PIAS4: variants seen among roughly 807,000 people sequenced by gnomAD.
The protein encoded by PIAS4 is protein inhibitor of activated STAT 4.
A neutral mutation model predicts 58.0 loss-of-function variants in PIAS4; 7 were observed. The ratio of observed to expected loss-of-function variants is 0.12; its 90% CI spans 0.07 to 0.23. PIAS4 has a LOEUF of 0.23. Among genes scored for constraint, PIAS4 ranks in the 10% least tolerant of loss-of-function variants. The probability of loss-of-function intolerance (pLI) is 1.00; values close to 1 mark genes in which losing one functional copy is unlikely to be tolerated. For synonymous variants in PIAS4, 364 were observed against 312.4 expected (o/e 1.17, Z -1.74); for missense variants, 550 against 709.5 (o/e 0.78, Z 2.55).
chr19:4,007,951 G>C (rs1327313273), intron 1 of PIAS4, among the ~76,000 whole-genome samples, 164 bp downstream of exon 1: 1 of 151,156 alleles, frequency 6.6e-6, no homozygotes, highest in African/African-American at 2.4e-5. Context: ...GGGTGAGGGC[G>C]GGGGGCGGGG....
intron 1 of PIAS4, among the ~76,000 whole-genome samples, chr19:4,011,589 T>G (rs948211814): frequency 6.6e-6 from 1 of 152,194 alleles, no homozygotes; most frequent in African/African-American, 2.4e-5. Context: ...GGCTGCTATC[T>G]TCCCCTTGGA....
rs529983536 is a variant in PIAS4 at position 4,038,643 on chromosome 19, G to C, written c.*768G>C. On this transcript the variant is annotated 3_prime_UTR_variant, in exon 11 of 11. Transcript: ENST00000262971. This position sits in a 1 kb window ranked among gnomAD's most constrained non-coding sequence, Gnocchi z 4.1. ...GGCGTGGGGGGGTCTCAGTTTTCTA[G>C]CCAGCTACCTCGGTAATTCCAATTC... 50 of 153,064 alleles carry C rather than the reference G, an allele frequency of 3.3e-4. No homozygotes were observed. Among genetic ancestry groups the C allele is most frequent in the African/African-American group, 1.2e-3 (49 of 41,536 alleles). The allele number at this position is 153,064 out of a possible 1,614,324, so 9.5% of individuals were successfully genotyped here. A position where few individuals can be genotyped will look rare whatever the true frequency, so the allele number is the denominator to read the frequency against.
chr19:4,022,328 G>GT (rs1477150743), intron 2 of PIAS4, among the ~76,000 whole-genome samples: 3 of 150,962 alleles, frequency 2.0e-5, no homozygotes, highest in Admixed American at 2.0e-4. Flanking sequence ...CTAGAGTTTT[G>GT]TTTTTTTTGT....
In PIAS4 at chr19:4,028,173, G is replaced by T. The variant is rs776029917; in HGVS notation, c.567G>T (p.Val189=). The stretch of plus-strand genomic sequence containing the variant: ...AACTGCAGCCCGGAGTTAAAGCCGT[G>T]CAGGTCGTCCTGAGGTATGCCCAGG... The part of the protein sequence containing the change: ...SRELQPGVKA[V]QVVLRICYSD... Residue 189 remains valine, a synonymous_variant, in exon 4 of 11, where the codon GTG becomes GTT. Transcript: ENST00000262971. 1.2e-6 allele frequency: 2 copies of T among 1,612,814 alleles called. No homozygotes were observed. Among genetic ancestry groups the T allele is most frequent in the South Asian group, 1.1e-5 (1 of 91,082 alleles).
chr19:4,028,316 C>T, intron 4 of PIAS4, 129 bp downstream of exon 4: 2 of 842,730 alleles, frequency 2.4e-6, no homozygotes, highest in Non-Finnish European at 3.8e-6. Context: ...TCCTCACCTG[C>T]TGTCTATCCC....
In PIAS4 at chr19:4,036,274, T is replaced by C. The variant is rs796510068; in HGVS notation, c.1143-1100T>C. Among the ~76,000 whole-genome samples the C allele has an allele frequency of 1.2e-4, 3 of 24,198 alleles. 1 individual carries two copies. Among genetic ancestry groups the C allele is most frequent in the Non-Finnish European group, 3.7e-4 (3 of 8,084 alleles). 15.9% of individuals were successfully genotyped at this position (24,198 alleles called of 152,430 possible). On this transcript the variant is annotated intron_variant, in intron 9 of 10. Coordinates refer to ENST00000262971, the MANE Select transcript of PIAS4 (RefSeq NM_015897.4). ...ACCATCACATGCACACACATCTATA[T>C]GGTCTACACCGTCACACACACACAC...
rs776468867 is a variant in PIAS4, at chr19:4,037,453, C to T, written c.1222C>T (p.Arg408Cys). Residue 408 changes from arginine to cysteine, a missense_variant, in exon 10 of 11, where the codon CGC (arginine) becomes TGC (cysteine). By Grantham distance (180) the Arg-to-Cys change is radical. Transcript: ENST00000262971. The surrounding 1 kb of genome is among the most constrained non-coding windows in gnomAD (Gnocchi z 5.8). ...GGTGGACGGCTCGTGGTGCCCGATC[C>T]GCGCCGAAAAGGAGCGCAGCTGCAG... The part of the protein sequence containing the change: ...YLVDGSWCPI[R>C]AEKERSCSPQ... 1.9e-6 allele frequency: 3 copies of T among 1,611,686 alleles called. No individual in the cohort carries two copies. The highest frequency in any genetic ancestry group is 3.3e-4 in the Middle Eastern group (2 of 6,056).
rs2040333410 is a variant in PIAS4, at chr19:4,039,018, C to CT, written c.*1144dup. On this transcript the variant is annotated 3_prime_UTR_variant, in exon 11 of 11. Transcript: ENST00000262971. Reference sequence around the variant, plus strand: ...AACAACTGGGGGAGCTACCAGGGCTCTGCCTTCAGGAGCCCACAGCTGGGC... The same window carrying CT: ...AACAACTGGGGGAGCTACCAGGGCTCTTGCCTTCAGGAGCCCACAGCTGGGC... The CT allele has an allele frequency of 6.6e-6, 1 of 152,332 alleles. No individual in the cohort carries two copies. The highest frequency in any genetic ancestry group is 2.4e-5 in the African/African-American group (1 of 41,470). 9.4% of individuals were successfully genotyped at this position (152,332 alleles called of 1,614,324 possible). A position where few individuals can be genotyped will look rare whatever the true frequency, so the allele number is the denominator to read the frequency against.
Position 4,037,978 on chromosome 19 carries a change from C to G in PIAS4, c.*103C>G. The G allele has an allele frequency of 2.3e-6, 3 of 1,293,278 alleles. No individual in the cohort carries two copies. Among genetic ancestry groups the G allele is most frequent in the Non-Finnish European group, 3.1e-6 (3 of 954,146 alleles). 80.1% of individuals were successfully genotyped at this position (1,293,278 alleles called of 1,614,324 possible). ...TGACCTTTCTTTTTCTTTTTATTGT[C>G]GTTCGTTTTGTTTTTCCACCCTTTT... is the stretch of plus-strand genomic sequence containing the variant. On this transcript the variant is annotated 3_prime_UTR_variant, in exon 11 of 11. Coordinates refer to ENST00000262971, the MANE Select transcript of PIAS4 (RefSeq NM_015897.4). The surrounding 1 kb of genome is among the most constrained non-coding windows in gnomAD (Gnocchi z 5.8).
chr19:4,027,295 C>G (rs1250970168), intron 3 of PIAS4, among the ~76,000 whole-genome samples: 1 of 152,176 alleles, frequency 6.6e-6, no homozygotes, highest in Non-Finnish European at 1.5e-5. Flanking sequence ...TGTGTCCTTT[C>G]GTGTCTGGCG....
At chr19:4,033,330 C>A in intron 8 of PIAS4, 90 bp from the exon 9 acceptor site, 2 of 1,362,578 alleles carry the variant, frequency 1.5e-6, no homozygotes, top group Non-Finnish European at 2.0e-6. Context: ...GTGATTGGAG[C>A]GAGCCACAGG....
chr19:4,017,272 G>T (rs970263959), intron 2 of PIAS4, among the ~76,000 whole-genome samples: 1 of 152,122 alleles, frequency 6.6e-6, no homozygotes, highest in Non-Finnish European at 1.5e-5. Flanking sequence ...CCCATGTCCC[G>T]CTAGTCCTTC....
At chr19:4,033,992 G>T (rs3948136) in intron 9 of PIAS4, among the ~76,000 whole-genome samples, 130,316 of 150,622 alleles carry the variant, frequency 0.87, 56,800 homozygotes, top group East Asian at 0.96. Context: ...GCCTCCTGGA[G>T]CACTCTGGCT....
rs912348183 is a variant in PIAS4 at position 4,028,404 on chromosome 19, C to T, written c.582-106C>T. ...CTGATACCCCCCGTGTCACATTCTC[C>T]GGTGCCCCCATCACTGCCGCCTGGC... is the stretch of plus-strand genomic sequence containing the variant. On this transcript the variant is annotated intron_variant, in intron 4 of 10. Coordinates refer to ENST00000262971, the MANE Select transcript of PIAS4 (RefSeq NM_015897.4). 67 of 889,182 alleles carry T rather than the reference C, an allele frequency of 7.5e-5. No individual in the cohort carries two copies. In the African/African-American group the frequency reaches 8.0e-4, roughly 11 times the overall value. The allele number at this position is 889,182 out of a possible 1,614,324, so 55.1% of individuals were successfully genotyped here. A position where few individuals can be genotyped will look rare whatever the true frequency, so the allele number is the denominator to read the frequency against.
chr19:4,013,478 G>T lies in PIAS4; in HGVS notation c.454+129G>T. 1.3e-6 allele frequency: 1 copy of T among 760,814 alleles called. No homozygotes were observed. Among genetic ancestry groups the T allele is most frequent in the South Asian group, 1.8e-5 (1 of 56,720 alleles). 47.1% of individuals were successfully genotyped at this position (760,814 alleles called of 1,614,324 possible). ...CGCAGCCAGGGCGGGGAGCCACAGTGGCCAGGGGTGTCCTTCCTCGGAAGC... is the reference window on the plus strand; with the variant it reads ...CGCAGCCAGGGCGGGGAGCCACAGTTGCCAGGGGTGTCCTTCCTCGGAAGC... On this transcript the variant is annotated intron_variant, in intron 2 of 10. Coordinates refer to ENST00000262971, the MANE Select transcript of PIAS4 (RefSeq NM_015897.4). This position sits in a 1 kb window ranked among gnomAD's most constrained non-coding sequence, Gnocchi z 5.1.
At chr19:4,034,385 A>G (rs763758111) in intron 9 of PIAS4, among the ~76,000 whole-genome samples, 26 of 152,290 alleles carry the variant, frequency 1.7e-4, no homozygotes, top group Admixed American at 4.6e-4. Flanking sequence ...CCTCCGGTTC[A>G]TGCACTTGTC....
At chr19:4,023,522 TGTCA>T in intron 2 of PIAS4, among the ~76,000 whole-genome samples, 1 of 152,322 alleles carries the variant, frequency 6.6e-6, no homozygotes, top group South Asian at 2.1e-4. Context: ...CGCCTCTGCC[TGTCA>T]GTCCAGTTGT....
Position 4,037,420 on chromosome 19 carries a change from G to A in PIAS4, c.1189G>A (p.Glu397Lys), listed in dbSNP as rs1477628381. 1.9e-6 allele frequency: 3 copies of A among 1,611,222 alleles called. No homozygotes were observed. Among genetic ancestry groups the A allele is most frequent in the Non-Finnish European group, 2.5e-6 (3 of 1,178,996 alleles). ...CGAGTGTGAGGACGCCGACGAGATC[G>A]AGTACCTGGTGGACGGCTCGTGGTG... is the stretch of plus-strand genomic sequence containing the variant. ...LSECEDADEIEYLVDGSWCPI... is the reference protein window; with the variant it reads ...LSECEDADEIKYLVDGSWCPI... Residue 397 changes from glutamate to lysine, a missense_variant, in exon 10 of 11, where the codon GAG becomes AAG. Glu to Lys is a moderately conservative substitution (Grantham distance 56, BLOSUM62 1). Transcript: ENST00000262971. This position sits in a 1 kb window ranked among gnomAD's most constrained non-coding sequence, Gnocchi z 5.8.
At chr19:4,023,888 G>A (rs1370423549) in intron 2 of PIAS4, 148 bp from the exon 3 acceptor site, 5 of 640,068 alleles carry the variant, frequency 7.8e-6, no homozygotes, top group Non-Finnish European at 1.4e-5. Context: ...TCCTTCCTGG[G>A]CGGCCCCCAC....
Sources: allele counts gnomAD v4.1 joint callset (sites outside exome capture counted in the v4.1 genomes callset), GRCh38; gene constraint gnomAD v4.1.1; non-coding constraint Gnocchi (gnomAD v3.1); transcripts MANE v1.5; gene names NCBI Gene and HGNC (gene_info 2026-07-23, HGNC 2026-07-21).